MAML3: variants seen among roughly 807,000 people sequenced by gnomAD.
MAML3 encodes mastermind-like protein 3.
In MAML3, 27 loss-of-function variants were observed where a neutral mutation model predicts 101.9. The observed-to-expected ratio is 0.27, with a 90% CI of 0.20 to 0.37. MAML3 has a LOEUF of 0.37. MAML3 is among the 10% of genes least tolerant of loss of function. The pLI is 1.00. For synonymous variants in MAML3, 501 were observed against 555.9 expected (o/e 0.90, Z 1.39); for missense variants, 1,316 against 1,444.9 (o/e 0.91, Z 1.45).
At chr4:139,724,295 C>A (rs1449616972) in intron 4 of MAML3, among the ~76,000 whole-genome samples, 1 of 152,170 alleles carries the variant, frequency 6.6e-6, no homozygotes, top group Non-Finnish European at 1.5e-5. Flanking sequence ...CTACAGCTCA[C>A]AGTTCATGAT....
At chr4:139,891,685 TA>T (rs935277112) in intron 1 of MAML3, among the ~76,000 whole-genome samples, 5 of 152,076 alleles carry the variant, frequency 3.3e-5, no homozygotes, top group South Asian at 2.1e-4. Context: ...AATCAACATT[TA>T]AAAAAAATGC....
chr4:139,718,398 G>C lies in MAML3; in HGVS notation c.*925C>G, dbSNP rs576636466. 1.3e-5 allele frequency: 2 copies of C among 152,386 alleles called. No homozygotes were observed. Among genetic ancestry groups the C allele is most frequent in the Non-Finnish European group, 2.9e-5 (2 of 68,150 alleles). The allele number at this position is 152,386 out of a possible 1,614,324, so 9.4% of individuals were successfully genotyped here. On this transcript the variant is annotated 3_prime_UTR_variant, in exon 5 of 5. Transcript: ENST00000509479. Reference sequence around the variant, plus strand: ...TGTAAGGAGAAGCAAGGGGAGGCTGGTGTGGAGGCAAGGAGGAATAAAGGC... The same window carrying C: ...TGTAAGGAGAAGCAAGGGGAGGCTGCTGTGGAGGCAAGGAGGAATAAAGGC...
At chr4:140,138,249 C>T (rs182634378) in intron 1 of MAML3, among the ~76,000 whole-genome samples, 205 of 152,258 alleles carry the variant, frequency 1.3e-3, no homozygotes, top group African/African-American at 4.7e-3. Context: ...ACGATTTTCA[C>T]AAACAACTTT....
At chr4:140,035,881 C>T (rs1195113230) in intron 1 of MAML3, among the ~76,000 whole-genome samples, 2 of 152,012 alleles carry the variant, frequency 1.3e-5, no homozygotes, top group Non-Finnish European at 2.9e-5. Flanking sequence ...TAGTTTAATT[C>T]CCTTCGGAAC....
chr4:140,078,516 G>T (rs1727812863), intron 1 of MAML3, among the ~76,000 whole-genome samples: 1 of 152,124 alleles, frequency 6.6e-6, no homozygotes, highest in Non-Finnish European at 1.5e-5. Flanking sequence ...TGCTTTCAGG[G>T]ATCTCACTTG....
intron 2 of MAML3, among the ~76,000 whole-genome samples, chr4:139,843,259 A>G (rs1217542888): frequency 1.3e-5 from 2 of 152,154 alleles, no homozygotes; most frequent in Non-Finnish European, 2.9e-5. Context: ...TCCTCAATCT[A>G]CTATGGAGCT....
At chr4:140,064,524 C>T (rs1224126185) in intron 1 of MAML3, among the ~76,000 whole-genome samples, 1 of 152,046 alleles carries the variant, frequency 6.6e-6, no homozygotes, top group Admixed American at 6.5e-5. Context: ...TGGCTTTCTG[C>T]TTTTCCACAC....
intron 1 of MAML3, among the ~76,000 whole-genome samples, chr4:140,038,593 G>A (rs1487732785): frequency 6.6e-6 from 1 of 152,180 alleles, no homozygotes; most frequent in Non-Finnish European, 1.5e-5. Flanking sequence ...CATAATGCCA[G>A]CTCTGCTACT....
intron 1 of MAML3, among the ~76,000 whole-genome samples, chr4:140,051,471 C>T (rs747373466): frequency 2.0e-5 from 3 of 151,614 alleles, no homozygotes; most frequent in African/African-American, 7.3e-5. Flanking sequence ...ACAGGAGAAT[C>T]GCTTGAATCC....
At chr4:139,793,060 T>C (rs1246808442) in intron 2 of MAML3, among the ~76,000 whole-genome samples, 4 of 152,142 alleles carry the variant, frequency 2.6e-5, no homozygotes, top group Non-Finnish European at 5.9e-5. Flanking sequence ...TGGTTTTCTT[T>C]AAGAATGCTG....
intron 2 of MAML3, among the ~76,000 whole-genome samples, chr4:139,849,720 G>A (rs1731514449): frequency 1.3e-5 from 2 of 152,330 alleles, no homozygotes; most frequent in East Asian, 3.9e-4. Flanking sequence ...GAGATCCACT[G>A]TAACTTAACC....
At chr4:139,998,983 T>C (rs1428328731) in intron 1 of MAML3, among the ~76,000 whole-genome samples, 3 of 152,210 alleles carry the variant, frequency 2.0e-5, no homozygotes, top group South Asian at 2.1e-4. Context: ...GATGGATCTA[T>C]CTGCGGGTAG....
chr4:139,867,258 G>A (rs1731914385), intron 2 of MAML3, among the ~76,000 whole-genome samples: 1 of 152,140 alleles, frequency 6.6e-6, no homozygotes, highest in Non-Finnish European at 1.5e-5. Flanking sequence ...CCCTGCAAAT[G>A]TGTCCATGTT....
At chr4:140,079,153 AG>A (rs1727825225) in intron 1 of MAML3, among the ~76,000 whole-genome samples, 1 of 152,180 alleles carries the variant, frequency 6.6e-6, no homozygotes, top group Non-Finnish European at 1.5e-5. Context: ...CCAGAAAGGA[AG>A]GTAACCTCTT....
intron 1 of MAML3, among the ~76,000 whole-genome samples, chr4:140,013,997 C>T (rs1028936758): frequency 9.2e-5 from 14 of 152,216 alleles, no homozygotes; most frequent in Non-Finnish European, 1.5e-4. Flanking sequence ...TGGGATGAGG[C>T]TTCTTTCAGT....
chr4:140,152,743 A>T (rs1341875487), intron 1 of MAML3, 117 bp downstream of exon 1: 1 of 1,469,412 alleles, frequency 6.8e-7, no homozygotes, highest in Non-Finnish European at 9.0e-7. Context: ...GCTTCAGCCC[A>T]CCTCACCCAC....
intron 1 of MAML3, among the ~76,000 whole-genome samples, chr4:140,124,277 A>C (rs995470215): frequency 6.6e-6 from 1 of 152,220 alleles, no homozygotes; most frequent in African/African-American, 2.4e-5. Context: ...GTGCATAGAA[A>C]GCTGAAAATG....
chr4:139,989,878 C>CAGAGAGAG lies in MAML3; in HGVS notation c.469-98912_469-98911insCTCTCTCT, dbSNP rs774170955. 3.3e-4 allele frequency among the ~76,000 whole-genome samples: 16 copies of CAGAGAGAG among 49,070 alleles called. No homozygotes were observed. In the South Asian group the frequency reaches 4.9e-3, roughly 15 times the overall value. 32.2% of individuals were successfully genotyped at this position (49,070 alleles called of 152,430 possible). The stretch of plus-strand genomic sequence containing the variant: ...ACACACACACACACACACACACACA[C>CAGAGAGAG]ACACAGAGAGAGAGAGAGAGAGAAA... On this transcript the variant is annotated intron_variant, in intron 1 of 4. Coordinates refer to ENST00000509479, the MANE Select transcript of MAML3 (RefSeq NM_018717.5).
chr4:140,077,172 G>A (rs1453146503), intron 1 of MAML3, among the ~76,000 whole-genome samples: 5 of 152,088 alleles, frequency 3.3e-5, no homozygotes, highest in Admixed American at 1.3e-4. Flanking sequence ...ATGAGCCACC[G>A]CACCTAGCAG....
Sources: allele counts gnomAD v4.1 joint callset (sites outside exome capture counted in the v4.1 genomes callset), GRCh38; gene constraint gnomAD v4.1.1; transcripts MANE v1.5; gene names NCBI Gene and HGNC (gene_info 2026-07-23, HGNC 2026-07-21).